EPS15L1: variants seen among roughly 807,000 people sequenced by gnomAD.
The protein encoded by EPS15L1 is epidermal growth factor receptor substrate 15-like 1.
In EPS15L1, 43 loss-of-function variants were observed where a neutral mutation model predicts 117.1. The ratio of observed to expected loss-of-function variants is 0.37; its 90% CI spans 0.29 to 0.47. The LOEUF (loss-of-function observed/expected upper bound fraction) is 0.47. Among genes scored for constraint, EPS15L1 ranks in the 20% least tolerant of loss-of-function variants. The pLI, the probability that EPS15L1 is intolerant of heterozygous loss-of-function variation, is 0.99. For missense variants in EPS15L1, 981 were observed against 1,164.0 expected (o/e 0.84, Z 2.29); for synonymous variants, 459 against 470.5 (o/e 0.98, Z 0.32).
intron 13 of EPS15L1, among the ~76,000 whole-genome samples, chr19:16,409,664 G>A (rs892869212): frequency 3.3e-5 from 5 of 152,242 alleles, no homozygotes; most frequent in East Asian, 3.9e-4. Flanking sequence ...TAGGCCAGGC[G>A]CAGTGGCTCC....
At chr19:16,391,800 C>G (rs1568411321) in intron 19 of EPS15L1, among the ~76,000 whole-genome samples, 1 of 152,088 alleles carries the variant, frequency 6.6e-6, no homozygotes, top group African/African-American at 2.4e-5. Context: ...CCAGGCAAGG[C>G]AGCCGGGCTG....
chr19:16,382,785 C>T (rs1446616125), intron 21 of EPS15L1, among the ~76,000 whole-genome samples: 1 of 151,986 alleles, frequency 6.6e-6, no homozygotes, highest in East Asian at 1.9e-4. Flanking sequence ...GAGGGTGGGG[C>T]CTCAACTAAG....
intron 22 of EPS15L1, among the ~76,000 whole-genome samples, chr19:16,373,448 G>T (rs1298977950): frequency 6.6e-6 from 1 of 150,508 alleles, no homozygotes; most frequent in African/African-American, 2.5e-5. Flanking sequence ...AAAACATAAA[G>T]TCCAGCAGTT....
chr19:16,442,864 G>A (rs574037523), intron 1 of EPS15L1, among the ~76,000 whole-genome samples: 1 of 152,330 alleles, frequency 6.6e-6, no homozygotes, highest in East Asian at 1.9e-4. Flanking sequence ...ATCGCTGTTT[G>A]GAGGTCACTT....
At chr19:16,435,266 C>T (rs1267564546) in intron 6 of EPS15L1, 1 of 152,100 alleles carries the variant, frequency 6.6e-6, no homozygotes, top group Non-Finnish European at 1.5e-5. Context: ...ACAGGAAGCC[C>T]TCCATTTCTA....
chr19:16,440,722 A>ACTTCCC, intron 4 of EPS15L1, 140 bp downstream of exon 4: 1 of 649,332 alleles, frequency 1.5e-6, no homozygotes, highest in Non-Finnish European at 2.7e-6. Flanking sequence ...CAAAATGAAA[A>ACTTCCC]CTTCCCGTGT....
At chr19:16,396,846 A>G (rs1485190200) in intron 16 of EPS15L1, among the ~76,000 whole-genome samples, 1 of 152,206 alleles carries the variant, frequency 6.6e-6, no homozygotes, top group African/African-American at 2.4e-5. Context: ...GTGAAATCAC[A>G]GTCACAAAAC....
intron 1 of EPS15L1, among the ~76,000 whole-genome samples, chr19:16,446,968 C>G (rs2093089297): frequency 6.6e-6 from 1 of 152,194 alleles, no homozygotes; most frequent in Non-Finnish European, 1.5e-5. Context: ...ACATCTCAGT[C>G]TGAGTTCCTA....
chr19:16,362,098 G>A (rs920559040), intron 22 of EPS15L1, 114 bp from the exon 23 acceptor site: 15 of 1,112,166 alleles, frequency 1.3e-5, no homozygotes, highest in Non-Finnish European at 1.9e-5. Context: ...AGAAAAGCTT[G>A]TAACTTGGCT....
intron 6 of EPS15L1, among the ~76,000 whole-genome samples, chr19:16,436,155 CAAG>C (rs1249451916): frequency 6.6e-6 from 1 of 152,180 alleles, no homozygotes; most frequent in African/African-American, 2.4e-5. Flanking sequence ...ATGACCTCTC[CAAG>C]AAGGGAGCAA....
chr19:16,403,388 TCTGA>T (rs1249414023), intron 15 of EPS15L1, among the ~76,000 whole-genome samples: 1 of 152,208 alleles, frequency 6.6e-6, no homozygotes, highest in African/African-American at 2.4e-5. Context: ...AAGTCATCTC[TCTGA>T]CTTTGTCCCT....
At chr19:16,421,629 T>C (rs559535680) in intron 9 of EPS15L1, among the ~76,000 whole-genome samples, 153 bp from the exon 10 acceptor site, 1 of 152,268 alleles carries the variant, frequency 6.6e-6, no homozygotes, top group East Asian at 1.9e-4. Flanking sequence ...ATGTGATCCT[T>C]GTTCTGTAAC....
intron 22 of EPS15L1, 97 bp from the exon 23 acceptor site, chr19:16,362,081 T>C (rs2144632112): frequency 7.9e-7 from 1 of 1,258,980 alleles, no homozygotes; most frequent in Non-Finnish European, 1.1e-6. Context: ...CCCGGGGCGC[T>C]TCTCTGAGAA....
intron 22 of EPS15L1, among the ~76,000 whole-genome samples, chr19:16,376,662 AGCGACTCCT>A (rs1196258564): frequency 6.6e-6 from 1 of 152,228 alleles, no homozygotes; most frequent in Non-Finnish European, 1.5e-5. Context: ...TGGACCAAGC[AGCGACTCCT>A]GCCACCCTCA....
Position 16,375,750 on chromosome 19 carries a change from C to G in EPS15L1, c.2380+1372G>C, listed in dbSNP as rs541030431. ...AAATCTGCTCTAAATCCACACAGCC[C>G]ATACTTGGTCATACTTTTTCTCCTG... On this transcript the variant is annotated intron_variant, in intron 22 of 23. Coordinates refer to ENST00000455140, the MANE Select transcript of EPS15L1 (RefSeq NM_001258374.3). Among the ~76,000 whole-genome samples, 50 of 152,348 alleles carry G rather than the reference C, an allele frequency of 3.3e-4. 1 individual carries two copies. Among genetic ancestry groups the G allele is most frequent in the African/African-American group, 1.2e-3 (48 of 41,572 alleles).
At position 16,361,458 on chromosome 19, in the gene EPS15L1, A is replaced by G. The variant is rs1175192597; in HGVS notation, c.2586+321T>C. On this transcript the variant is annotated intron_variant, in intron 23 of 23. Coordinates refer to ENST00000455140, the MANE Select transcript of EPS15L1 (RefSeq NM_001258374.3). ...AGTGTTTGACATCTTGGCTTCCAAA[A>G]ACCAGTGAACACAACAGCCTCGGTG... 5.4e-6 allele frequency: 3 copies of G among 557,406 alleles called. No homozygotes were observed. In the East Asian group the frequency reaches 2.8e-4, roughly 52 times the overall value. The allele number at this position is 557,406 out of a possible 1,614,324, so 34.5% of individuals were successfully genotyped here.
intron 4 of EPS15L1, among the ~76,000 whole-genome samples, chr19:16,439,175 G>A (rs1398057013): frequency 6.6e-6 from 1 of 151,924 alleles, no homozygotes; most frequent in Non-Finnish European, 1.5e-5. Flanking sequence ...GTAAGTGCTA[G>A]GATCGGCCTT....
intron 1 of EPS15L1, among the ~76,000 whole-genome samples, chr19:16,451,088 T>C (rs1599671224): frequency 6.6e-6 from 1 of 151,728 alleles, no homozygotes; most frequent in Non-Finnish European, 1.5e-5. Flanking sequence ...GTAGCTGGGA[T>C]TACAGGCACC....
At chr19:16,469,967 C>A (rs1187196048) in intron 1 of EPS15L1, among the ~76,000 whole-genome samples, 1 of 152,182 alleles carries the variant, frequency 6.6e-6, no homozygotes, top group Non-Finnish European at 1.5e-5. Flanking sequence ...AACAGTAACC[C>A]ATGGTGTAGA....
Sources: allele counts gnomAD v4.1 joint callset (sites outside exome capture counted in the v4.1 genomes callset), GRCh38; gene constraint gnomAD v4.1.1; transcripts MANE v1.5; gene names NCBI Gene and HGNC (gene_info 2026-07-23, HGNC 2026-07-21).